PIN4: variants seen among roughly 807,000 people sequenced by gnomAD.
PIN4 encodes the protein peptidyl-prolyl cis-trans isomerase NIMA-interacting 4.
Under a neutral mutation model 8.3 loss-of-function variants are expected in PIN4, and 3 were observed. The observed-to-expected ratio is 0.36, with a 90% confidence interval of 0.16 to 0.93. The LOEUF is 0.93. PIN4 is among the 40% of genes least tolerant of loss of function. The pLI, the probability that PIN4 is intolerant of heterozygous loss-of-function variation, is 0.44. For missense variants in PIN4, 75 were observed against 100.6 expected (o/e 0.75, Z 1.09); for synonymous variants, 18 against 32.5 (o/e 0.55, Z 1.52).
At chrX:72,245,275 T>A (rs934518924) in intron 3 of PIN4, among the ~76,000 whole-genome samples, 8 of 108,800 alleles carry the variant, frequency 7.4e-5, no homozygotes, top group Non-Finnish European at 1.1e-4. Context: ...CTCCAGCGAT[T>A]CTCCAACCTC....
At chrX:72,208,566 C>A in intron 3 of PIN4, 1 of 1,211,820 alleles carries the variant, frequency 8.3e-7, no homozygotes, top group Non-Finnish European at 1.1e-6. Flanking sequence ...CCAACTCCTC[C>A]AAGGCTTCCT....
At chrX:72,233,558 T>A (rs763665623) in intron 3 of PIN4, among the ~76,000 whole-genome samples, 1 of 105,014 alleles carries the variant, frequency 9.5e-6, no homozygotes, top group South Asian at 4.4e-4. Flanking sequence ...CTGTCTCTAC[T>A]AAAAATACAA....
At chrX:72,211,840 A>G (rs955066040) in intron 3 of PIN4, among the ~76,000 whole-genome samples, 7 of 111,986 alleles carry the variant, frequency 6.3e-5, no homozygotes, top group Non-Finnish European at 1.3e-4. Flanking sequence ...AAGGTGATAC[A>G]ACAATTAAAC....
chrX:72,253,705 TGGGA>T (rs1487811224), intron 3 of PIN4, among the ~76,000 whole-genome samples: 1 of 108,264 alleles, frequency 9.2e-6, no homozygotes, highest in East Asian at 2.9e-4. Flanking sequence ...CAAGCTGAAG[TGGGA>T]GGATCACTTG....
intron 3 of PIN4, among the ~76,000 whole-genome samples, chrX:72,253,552 G>A (rs2887310): frequency 0.024 from 2,669 of 109,996 alleles, 36 homozygotes; most frequent in Middle Eastern, 0.055. Context: ...TTGAACCCGG[G>A]AGGCGGAGAT....
intron 3 of PIN4, among the ~76,000 whole-genome samples, chrX:72,254,717 T>G (rs2043102201): frequency 8.9e-6 from 1 of 112,500 alleles, no homozygotes; most frequent in Non-Finnish European, 1.9e-5. Flanking sequence ...GTCTGATCTA[T>G]TCGTGAACTA....
chrX:72,197,829 A>G lies in PIN4; in HGVS notation c.*303A>G, dbSNP rs1385071582. 31 of 782,227 alleles carry G rather than the reference A, an allele frequency of 4.0e-5. No homozygotes were observed. Among genetic ancestry groups the G allele is most frequent in the Non-Finnish European group, 4.6e-5 (30 of 656,566 alleles). 64.5% of individuals were successfully genotyped at this position (782,227 alleles called of 1,213,427 possible). ...TATCTGACTCTCAGTCTGTCCCATA[A>G]ATTAATTCAGAAACCATCTTCAGGG... On this transcript the variant is annotated 3_prime_UTR_variant, in exon 4 of 4. Coordinates refer to ENST00000373669, the MANE Select transcript of PIN4 (RefSeq NM_006223.4).
At position 72,219,493 on chromosome X, in the gene PIN4, G is replaced by T. The variant is rs975136618; in HGVS notation, c.312+22589G>T. Reference sequence around the variant, plus strand: ...CGCTTGAACCTGGGAGATGGAGGTTGCAGTAAGCCGAGATTGCGCCATTGC... The same window carrying T: ...CGCTTGAACCTGGGAGATGGAGGTTTCAGTAAGCCGAGATTGCGCCATTGC... On this transcript the variant is annotated intron_variant, in intron 3 of 3. Transcript: ENST00000423432. 3.7e-5 allele frequency among the ~76,000 whole-genome samples: 4 copies of T among 109,473 alleles called. No homozygotes were observed. The Admixed American group carries it at 3.9e-4, about 11-fold the overall frequency.
chrX:72,256,295 T>C (rs1158912981), intron 3 of PIN4, among the ~76,000 whole-genome samples: 1 of 111,921 alleles, frequency 8.9e-6, no homozygotes, highest in Admixed American at 9.5e-5. Context: ...TATACACATA[T>C]GTGACATACA....
chrX:72,239,481 G>A (rs2043038903), intron 3 of PIN4, among the ~76,000 whole-genome samples: 1 of 112,180 alleles, frequency 8.9e-6, no homozygotes, highest in Admixed American at 9.4e-5. Flanking sequence ...AACTAACATT[G>A]AAGAAGCGAC....
chrX:72,201,699 A>G (rs1179929469), downstream of PIN4, among the ~76,000 whole-genome samples: 1 of 112,824 alleles, frequency 8.9e-6, no homozygotes, highest in African/African-American at 3.2e-5. Context: ...AGTAATGAAT[A>G]TCAATGGCAT....
chrX:72,195,383 C>G (rs1419766941), intron 2 of PIN4, among the ~76,000 whole-genome samples: 4 of 111,777 alleles, frequency 3.6e-5, no homozygotes, highest in Non-Finnish European at 7.5e-5. Context: ...GTGCTGACAC[C>G]TGTAATCCCA....
chrX:72,245,390 C>T (rs897545776), intron 3 of PIN4, among the ~76,000 whole-genome samples: 1 of 111,226 alleles, frequency 9.0e-6, no homozygotes, highest in East Asian at 2.9e-4. Flanking sequence ...GGCTGTTCTC[C>T]AGCTCCTGGG....
chrX:72,250,651 C>A (rs1317563561), intron 3 of PIN4, among the ~76,000 whole-genome samples: 2 of 109,077 alleles, frequency 1.8e-5, no homozygotes, highest in Non-Finnish European at 3.8e-5. Flanking sequence ...GAGTTTGAGA[C>A]CACACTGGGC....
chrX:72,196,012 G>A (rs1380787348), intron 2 of PIN4, among the ~76,000 whole-genome samples: 4 of 110,239 alleles, frequency 3.6e-5, no homozygotes, highest in East Asian at 2.9e-4. Flanking sequence ...CCAGCTACTC[G>A]GGAGGCTAAG....
At chrX:72,217,885 A>G (rs1430187942) in intron 3 of PIN4, among the ~76,000 whole-genome samples, 1 of 111,894 alleles carries the variant, frequency 8.9e-6, no homozygotes, top group Non-Finnish European at 1.9e-5. Context: ...TGCAAGTACC[A>G]CACTGTCTTG....
intron 2 of PIN4, among the ~76,000 whole-genome samples, chrX:72,194,406 G>A (rs1176390531): frequency 9.0e-6 from 1 of 111,638 alleles, no homozygotes; most frequent in African/African-American, 3.3e-5. Flanking sequence ...GGTGGCGCGT[G>A]CCTGTAATCC....
At chrX:72,215,615 A>C in intron 3 of PIN4, among the ~76,000 whole-genome samples, 1 of 111,724 alleles carries the variant, frequency 9.0e-6, no homozygotes, top group Non-Finnish European at 1.9e-5. Flanking sequence ...CTGCTTTGCC[A>C]ATAGACTGCT....
chrX:72,226,107 A>G (rs1405023333), intron 3 of PIN4, among the ~76,000 whole-genome samples: 1 of 110,781 alleles, frequency 9.0e-6, no homozygotes, highest in African/African-American at 3.3e-5. Flanking sequence ...TCAACACTCT[A>G]TCTCTCTTCA....
Sources: allele counts gnomAD v4.1 joint callset (sites outside exome capture counted in the v4.1 genomes callset), GRCh38; gene constraint gnomAD v4.1.1; transcripts MANE v1.5; gene names NCBI Gene and HGNC (gene_info 2026-07-23, HGNC 2026-07-21).